E2F8: variants seen among roughly 807,000 people sequenced by gnomAD.
E2F8 encodes E2F transcription factor 8.
Under a neutral mutation model 80.8 loss-of-function variants are expected in E2F8, and 35 were observed. That is an observed-to-expected ratio of 0.43 (90% CI 0.33 to 0.57). The LOEUF (loss-of-function observed/expected upper bound fraction) is 0.57. Among genes scored for constraint, E2F8 ranks in the 20% least tolerant of loss-of-function variants. The pLI, the probability that E2F8 is intolerant of heterozygous loss-of-function variation, is 0.04. For synonymous variants in E2F8, 386 were observed against 395.0 expected, an observed-to-expected ratio of 0.98 and a Z score of 0.27; for missense variants, 975 against 1,056.2, an observed-to-expected ratio of 0.92 and a Z score of 1.07.
chr11:19,236,186 C>T (rs1851512987), intron 4 of E2F8, among the ~76,000 whole-genome samples: 1 of 152,164 alleles, frequency 6.6e-6, no homozygotes, highest in Non-Finnish European at 1.5e-5. Flanking sequence ...CCGGCTGTTC[C>T]TTCTGCCTGG....
chr11:19,229,684 A>G lies in E2F8; in HGVS notation c.1663T>C (p.Ser555Pro), dbSNP rs753720024. The change falls in exon 10 of 13, where the codon TCA (serine) becomes CCA (proline). Residue 555 changes from serine to proline, a missense_variant. Coordinates refer to ENST00000250024, the MANE Select transcript of E2F8 (RefSeq NM_024680.4). This position sits in a 1 kb window ranked among gnomAD's most constrained non-coding sequence, Gnocchi z 4.3. ...GTGGTGGCATCTGTGGAGTCTTTTG[A>G]GCCAGTAGCTTTAGAAGAGTGGGTG... is the stretch of plus-strand genomic sequence containing the variant. ...CTTHSSKATG[S>P]KDSTDATTEK... The G allele has an allele frequency of 6.2e-7, 1 of 1,613,900 alleles. No homozygotes were observed. Among genetic ancestry groups the G allele is most frequent in the Non-Finnish European group, 8.5e-7 (1 of 1,179,976 alleles).
intron 6 of E2F8, 42 bp downstream of exon 6, chr11:19,234,318 T>G (rs1851457761): frequency 6.2e-7 from 1 of 1,605,968 alleles, no homozygotes. Flanking sequence ...ATTTTATTGT[T>G]TAAGAATAGG....
At chr11:19,235,374 T>C (rs1054878655) in intron 4 of E2F8, among the ~76,000 whole-genome samples, 21 of 152,232 alleles carry the variant, frequency 1.4e-4, no homozygotes, top group African/African-American at 4.8e-4. Context: ...AAAGGCCGGG[T>C]GCGGTGGCTC....
chr11:19,233,414 A>G (rs1851428919), intron 6 of E2F8, among the ~76,000 whole-genome samples: 1 of 152,220 alleles, frequency 6.6e-6, no homozygotes, highest in South Asian at 2.1e-4. Flanking sequence ...AATCAGCATC[A>G]GTGGAAGGAG....
chr11:19,225,816 G>A lies in E2F8; in HGVS notation c.1942C>T (p.Leu648=). The change falls in exon 11 of 13, where the codon CTG becomes TTG. Residue 648 remains leucine (L), a synonymous_variant. Coordinates refer to ENST00000250024, the MANE Select transcript of E2F8 (RefSeq NM_024680.4). ...YLIPLTQCSS[L]GAESILSGKE... ...CCAGACAAAATGGACTCTGCCCCCA[G>A]GGATGAGCACTGCGTGAGAGGGATT... 1 of 1,614,120 alleles carries A rather than the reference G, an allele frequency of 6.2e-7. No individual in the cohort carries two copies. Among genetic ancestry groups the A allele is most frequent in the Non-Finnish European group, 8.5e-7 (1 of 1,180,026 alleles).
chr11:19,227,480 C>G (rs1851265481), intron 10 of E2F8, among the ~76,000 whole-genome samples: 1 of 152,198 alleles, frequency 6.6e-6, no homozygotes, highest in African/African-American at 2.4e-5. Context: ...AAATTTCCAA[C>G]AAACTATATT....
chr11:19,239,491 C>A (rs994241593), intron 2 of E2F8, among the ~76,000 whole-genome samples: 1 of 152,084 alleles, frequency 6.6e-6, no homozygotes, highest in East Asian at 1.9e-4. Flanking sequence ...TGGACACCCC[C>A]CACAGACAAT....
At chr11:19,240,369 C>T (rs1334796589) in intron 1 of E2F8, 139 bp from the exon 2 acceptor site, 2 of 296,700 alleles carry the variant, frequency 6.7e-6, no homozygotes, top group Non-Finnish European at 1.2e-5. Flanking sequence ...TTATTCTCGA[C>T]CAGAGATCGC....
In E2F8 at chr11:19,240,237, G is replaced by C; in HGVS notation, c.-109-7C>G. On this transcript the variant is annotated splice_polypyrimidine_tract_variant and splice_region_variant and intron_variant, in intron 1 of 12. Transcript: ENST00000250024. ...TACTAAAAGTTTTAATATCCTTAAA[G>C]AAAAAAGGAAATAGAAAAAGTTAGA... 3.5e-6 allele frequency: 2 copies of C among 573,236 alleles called. No individual in the cohort carries two copies. Among genetic ancestry groups the C allele is most frequent in the Non-Finnish European group, 5.7e-6 (2 of 352,508 alleles). 35.5% of individuals were successfully genotyped at this position (573,236 alleles called of 1,614,324 possible). A position where few individuals can be genotyped will look rare whatever the true frequency, so the allele number is the denominator to read the frequency against.
rs975003168 is a variant in E2F8 at position 19,229,461 on chromosome 11, A to G, written c.1886T>C (p.Val629Ala). The change falls in exon 10 of 13, where the codon GTC becomes GCC. Residue 629 changes from valine (V) to alanine (A), a missense_variant. Transcript: ENST00000250024. The surrounding 1 kb of genome is among the most constrained non-coding windows in gnomAD (Gnocchi z 4.3). ...GTTCAAGGCTGTACTTACTGCGGAG[A>G]CATTTTCAAGTCCTTTTAGGTCCTC... is the stretch of plus-strand genomic sequence containing the variant. ...FKEDLKGLEN[V>A]SATLFPSGYL... is the part of the protein sequence containing the mutation. 6.2e-7 allele frequency: 1 copy of G among 1,612,726 alleles called. No individual in the cohort carries two copies. The highest frequency in any genetic ancestry group is 8.5e-7 in the Non-Finnish European group (1 of 1,179,394).
In E2F8 at chr11:19,234,768, G is replaced by C. The variant is rs1285493100; in HGVS notation, c.742C>G (p.Leu248Val). ...NGHPDMCFVE[L>V]PGVEFRAASV... ...CCTGCCCGAAATTCCACTCCAGGGA[G>C]TTCCACAAAACACATGTCTGGGTGT... The change falls in exon 5 of 13, where the codon CTC becomes GTC. Residue 248 changes from leucine to valine, a missense_variant. Transcript: ENST00000250024. 2 of 1,612,862 alleles carry C rather than the reference G, an allele frequency of 1.2e-6. No individual in the cohort carries two copies. Among genetic ancestry groups the C allele is most frequent in the Non-Finnish European group, 1.7e-6 (2 of 1,179,234 alleles).
At chr11:19,237,611 A>AG (rs1016064498) in intron 3 of E2F8, 141 bp from the exon 4 acceptor site, 9 of 1,062,402 alleles carry the variant, frequency 8.5e-6, no homozygotes, top group Non-Finnish European at 9.3e-6. Context: ...AGAAAAGGTT[A>AG]GGGGGGCCAG....
At chr11:19,234,655 T>A in intron 5 of E2F8, 89 bp downstream of exon 5, 1 of 1,529,016 alleles carries the variant, frequency 6.5e-7, no homozygotes, top group Non-Finnish European at 8.8e-7. Context: ...AAGGCAGCAG[T>A]AGCTTTAGAG....
rs367904306 is a variant in E2F8 at position 19,234,749 on chromosome 11, C to G, written c.761G>C (p.Arg254Pro). The change falls in exon 5 of 13, where the codon CGG (arginine) becomes CCG (proline). Residue 254 changes from arginine to proline, a missense_variant. By Grantham distance (103) the Arg-to-Pro change is moderately radical. Transcript: ENST00000250024. ...TTTTCACTACCATCTCTCACCTGCC[C>G]GAAATTCCACTCCAGGGAGTTCCAC... is the stretch of plus-strand genomic sequence containing the variant. ...CFVELPGVEF[R>P]AASVNSRKDK... 3 of 1,608,690 alleles carry G rather than the reference C, an allele frequency of 1.9e-6. No homozygotes were observed. In the Admixed American group the frequency reaches 5.0e-5, roughly 27 times the overall value.
chr11:19,229,911 A>G lies in E2F8; in HGVS notation c.1436T>C (p.Val479Ala), dbSNP rs1457411607. The part of the protein sequence containing the change: ...CKPVAPLDPP[V>A]NAEMELTAPS... The stretch of plus-strand genomic sequence containing the variant: ...TGCTGTCAGCTCCATCTCAGCATTC[A>G]CTGGGGGGTCCAGAGGGGCTACTGG... Residue 479 changes from valine to alanine, a missense_variant, in exon 10 of 13, where the codon GTG (valine) becomes GCG (alanine). By Grantham distance (64) the Val-to-Ala change is moderately conservative. Coordinates refer to ENST00000250024, the MANE Select transcript of E2F8 (RefSeq NM_024680.4). The surrounding 1 kb of genome is among the most constrained non-coding windows in gnomAD (Gnocchi z 4.3). 1.2e-6 allele frequency: 2 copies of G among 1,613,892 alleles called. No individual in the cohort carries two copies. Among genetic ancestry groups the G allele is most frequent in the Non-Finnish European group, 1.7e-6 (2 of 1,180,004 alleles).
At position 19,229,108 on chromosome 11, in the gene E2F8, T is replaced by C. The variant is rs1338969127; in HGVS notation, c.1893+346A>G. Reference sequence around the variant, plus strand: ...GAAAGCAGGAGTTACAGGAACCCTATGCATCCACACGTTCATTTGGGGTTA... The same window carrying C: ...GAAAGCAGGAGTTACAGGAACCCTACGCATCCACACGTTCATTTGGGGTTA... On this transcript the variant is annotated intron_variant, in intron 10 of 12. Coordinates refer to ENST00000250024, the MANE Select transcript of E2F8 (RefSeq NM_024680.4). The surrounding 1 kb of genome is among the most constrained non-coding windows in gnomAD (Gnocchi z 4.3). Among the ~76,000 whole-genome samples, 1 of 152,244 alleles carries C rather than the reference T, an allele frequency of 6.6e-6. No homozygotes were observed. The highest frequency in any genetic ancestry group is 2.1e-4 in the South Asian group (1 of 4,834).
chr11:19,235,182 G>T, intron 4 of E2F8, 124 bp from the exon 5 acceptor site: 1 of 851,044 alleles, frequency 1.2e-6, no homozygotes, highest in Non-Finnish European at 1.8e-6. Context: ...AACTGTAAGT[G>T]AACATACTCA....
chr11:19,236,095 A>G (rs1851510947), intron 4 of E2F8, among the ~76,000 whole-genome samples: 1 of 152,246 alleles, frequency 6.6e-6, no homozygotes, highest in Non-Finnish European at 1.5e-5. Flanking sequence ...AAAGTGATCA[A>G]TAAAACACTA....
At chr11:19,232,479 T>A in intron 6 of E2F8, 108 bp from the exon 7 acceptor site, 2 of 885,384 alleles carry the variant, frequency 2.3e-6, no homozygotes, top group Non-Finnish European at 3.3e-6. Flanking sequence ...ACCATCAATG[T>A]CAGACAGAGA....
Sources: gnomAD v4.1 joint callset for allele counts (sites outside exome capture counted in the v4.1 genomes callset) on GRCh38, gnomAD v4.1.1 for gene constraint, Gnocchi (gnomAD v3.1) non-coding constraint, MANE v1.5 for transcripts, NCBI Gene and HGNC (gene_info 2026-07-23, HGNC 2026-07-21) for gene names.